The following LIN9 variants were observed in gnomAD, a reference collection of about 807,000 sequenced individuals.
LIN9 encodes lin-9 DREAM MuvB core complex component, also known as protein lin-9 homolog.
In LIN9, 18 loss-of-function variants were observed where a neutral mutation model predicts 78.0. That is an observed-to-expected ratio of 0.23 (90% CI 0.16 to 0.34). The LOEUF (loss-of-function observed/expected upper bound fraction) is 0.34. LIN9 is among the 10% of genes least tolerant of loss of function. The probability of loss-of-function intolerance (pLI) is 1.00; values close to 1 mark genes in which losing one functional copy is unlikely to be tolerated. For missense variants in LIN9, 451 were observed against 644.1 expected (o/e 0.70, Z 3.25); for synonymous variants, 192 against 215.2 (o/e 0.89, Z 0.94).
chr1:226,276,642 C>T (rs1443259059), intron 7 of LIN9, among the ~76,000 whole-genome samples: 1 of 152,176 alleles, frequency 6.6e-6, no homozygotes, highest in East Asian at 1.9e-4. Context: ...ACTCCAGGTT[C>T]CCTTCCCTCC....
chr1:226,254,910 C>CA (rs78061206), intron 10 of LIN9, among the ~76,000 whole-genome samples: 965 of 49,650 alleles, frequency 0.019, 10 homozygotes, highest in East Asian at 0.026. Context: ...GACTCTGTCT[C>CA]AAAAAAAAAA....
rs751839886 is a variant in LIN9 at position 226,297,719 on chromosome 1, C to A, written c.159G>T (p.Met53Ile). The A allele has an allele frequency of 6.4e-7, 1 of 1,564,422 alleles. No homozygotes were observed. Among genetic ancestry groups the A allele is most frequent in the South Asian group, 1.2e-5 (1 of 82,534 alleles). Residue 53 changes from methionine (M) to isoleucine (I), a missense_variant and splice_region_variant, in exon 3 of 15, where the codon ATG (methionine) becomes ATT (isoleucine). Coordinates refer to ENST00000681046, the MANE Select transcript of LIN9 (RefSeq NM_001366245.2). ...AATGTAAGAAAAACTCACTCCTTAC[C>A]ATTTCCACAGCAGAGCTTGTATTCC... ...KGRNTSSAVE[M>I]PFRNSKRSRL... is the part of the protein sequence containing the mutation.
At chr1:226,249,382 G>A (rs74398386) in intron 11 of LIN9, among the ~76,000 whole-genome samples, 206 of 152,226 alleles carry the variant, frequency 1.4e-3, no homozygotes, top group African/African-American at 4.7e-3. Flanking sequence ...CTAATTTCAT[G>A]TTATGCTTAA....
chr1:226,232,895 T>C (rs564424210), intron 14 of LIN9: 5 of 497,160 alleles, frequency 1.0e-5, no homozygotes, highest in African/African-American at 6.0e-5. Flanking sequence ...CCTAAATATA[T>C]GTCCTGATTT....
At chr1:226,305,619 G>T (rs1440637977) in intron 1 of LIN9, among the ~76,000 whole-genome samples, 2 of 151,558 alleles carry the variant, frequency 1.3e-5, no homozygotes, top group African/African-American at 4.9e-5. Flanking sequence ...TAAGGGGGGT[G>T]TGGGGGGGTA....
chr1:226,276,147 A>G (rs1309497113), intron 7 of LIN9, among the ~76,000 whole-genome samples: 1 of 152,236 alleles, frequency 6.6e-6, no homozygotes, highest in Non-Finnish European at 1.5e-5. Context: ...ACATAAAAAC[A>G]CTACCTAAGA....
At chr1:226,298,732 G>A (rs928845138) in intron 2 of LIN9, among the ~76,000 whole-genome samples, 28 of 152,036 alleles carry the variant, frequency 1.8e-4, no homozygotes, top group African/African-American at 6.7e-4. Context: ...ATGGTGGCAC[G>A]CACCTGTAGT....
chr1:226,303,318 T>C (rs1662681056), intron 1 of LIN9, among the ~76,000 whole-genome samples: 1 of 152,108 alleles, frequency 6.6e-6, no homozygotes, highest in Non-Finnish European at 1.5e-5. Context: ...GGAATGTACA[T>C]TCTAGTGATG....
chr1:226,293,568 T>A (rs1661926594), intron 4 of LIN9, among the ~76,000 whole-genome samples: 1 of 152,218 alleles, frequency 6.6e-6, no homozygotes, highest in Admixed American at 6.5e-5. Flanking sequence ...AAACTATTAT[T>A]ATTTTTAAAT....
At chr1:226,284,123 A>C (rs1379849035) in intron 6 of LIN9, among the ~76,000 whole-genome samples, 2 of 152,154 alleles carry the variant, frequency 1.3e-5, no homozygotes. Context: ...ATAGACTACT[A>C]AACAGTAGTC....
chr1:226,272,969 C>T (rs1376009601), intron 7 of LIN9, among the ~76,000 whole-genome samples: 1 of 152,104 alleles, frequency 6.6e-6, no homozygotes, highest in East Asian at 1.9e-4. Flanking sequence ...ATCATCACCC[C>T]CACGACCTGG....
intron 4 of LIN9, among the ~76,000 whole-genome samples, chr1:226,288,824 A>G (rs1368131647): frequency 1.3e-5 from 2 of 152,270 alleles, no homozygotes; most frequent in Non-Finnish European, 2.9e-5. Context: ...ACCTATATAT[A>G]TCATTTCCCA....
intron 11 of LIN9, 140 bp downstream of exon 11, chr1:226,250,699 A>G: frequency 1.8e-6 from 1 of 555,956 alleles, no homozygotes; most frequent in South Asian, 2.0e-5. Flanking sequence ...ACAGGTGTGG[A>G]CCTCATGCAA....
intron 6 of LIN9, among the ~76,000 whole-genome samples, chr1:226,283,949 AAAAG>A (rs1289580312): frequency 3.3e-5 from 5 of 152,068 alleles, no homozygotes; most frequent in Non-Finnish European, 2.9e-5. Flanking sequence ...TCTCAAAAAA[AAAAG>A]AGAGAGAGAG....
At chr1:226,305,355 T>C (rs1662844395) in intron 1 of LIN9, among the ~76,000 whole-genome samples, 1 of 125,610 alleles carries the variant, frequency 8.0e-6, no homozygotes, top group Non-Finnish European at 1.7e-5. Flanking sequence ...TAGTTGGGCA[T>C]GGTGGTACAT....
In LIN9 at chr1:226,243,335, G is replaced by A. The variant is rs1658236443; in HGVS notation, c.1120-4239C>T. Among the ~76,000 whole-genome samples the A allele has an allele frequency of 2.0e-5, 3 of 152,250 alleles. No individual in the cohort carries two copies. The South Asian group carries it at 6.2e-4, about 32-fold the overall frequency. ...TTCTAACACTAGGATTGAAGAGAGT[G>A]ATCTATATTTACTGATACTATACAG... On this transcript the variant is annotated intron_variant, in intron 11 of 14. Coordinates refer to ENST00000681046, the MANE Select transcript of LIN9 (RefSeq NM_001366245.2).
At chr1:226,294,853 G>A (rs1449870876) in intron 4 of LIN9, among the ~76,000 whole-genome samples, 1 of 150,610 alleles carries the variant, frequency 6.6e-6, no homozygotes, top group African/African-American at 2.4e-5. Flanking sequence ...AGGCTGGAGT[G>A]CAGTGGCATG....
At position 226,291,120 on chromosome 1, in the gene LIN9, C is replaced by T. The variant is rs538759453; in HGVS notation, c.265-3323G>A. Among the ~76,000 whole-genome samples, 154 of 152,222 alleles carry T rather than the reference C, an allele frequency of 1.0e-3. 1 individual carries two copies. The highest frequency in any genetic ancestry group is 1.5e-3 in the Non-Finnish European group (99 of 68,024). Reference sequence around the variant, plus strand: ...AAAAACTTTAAATGTACATAATTTACGATCCAGCAATTCCACATCTTAGGC... The same window carrying T: ...AAAAACTTTAAATGTACATAATTTATGATCCAGCAATTCCACATCTTAGGC... On this transcript the variant is annotated intron_variant, in intron 4 of 14. Transcript: ENST00000681046.
chr1:226,296,346 G>T (rs947597389), intron 3 of LIN9, among the ~76,000 whole-genome samples: 1 of 152,124 alleles, frequency 6.6e-6, no homozygotes, highest in Non-Finnish European at 1.5e-5. Flanking sequence ...CTGGGCCAAA[G>T]GTTCTAAATC....
Sources: gnomAD v4.1 joint callset for allele counts (sites outside exome capture counted in the v4.1 genomes callset) on GRCh38, gnomAD v4.1.1 for gene constraint, MANE v1.5 for transcripts, NCBI Gene and HGNC (gene_info 2026-07-23, HGNC 2026-07-21) for gene names.